ELP6: variants seen among roughly 807,000 people sequenced by gnomAD.
ELP6 encodes elongator acetyltransferase complex subunit 6.
In ELP6, 23 loss-of-function variants were observed where a neutral mutation model predicts 28.1. The observed-to-expected ratio is 0.82, with a 90% confidence interval of 0.59 to 1.16. The LOEUF is 1.16. ELP6 is among the 50% of genes most tolerant of loss of function. ELP6 has a pLI of 0.00. For missense variants in ELP6, 313 were observed against 334.6 expected, an observed-to-expected ratio of 0.94 and a Z score of 0.50; for synonymous variants, 132 against 135.8, an observed-to-expected ratio of 0.97 and a Z score of 0.19.
At chr3:47,506,552 G>C (rs1453405080) in intron 3 of ELP6, among the ~76,000 whole-genome samples, 1 of 152,206 alleles carries the variant, frequency 6.6e-6, no homozygotes, top group African/African-American at 2.4e-5. Context: ...AAAGAATTCA[G>C]CGATATTTCT....
intron 1 of ELP6, 26 bp from the exon 2 acceptor site, chr3:47,511,252 G>C: frequency 1.2e-6 from 2 of 1,611,550 alleles, no homozygotes; most frequent in Non-Finnish European, 1.7e-6. Context: ...AACACAAAAA[G>C]GTTAGACTCC....
intron 3 of ELP6, among the ~76,000 whole-genome samples, chr3:47,507,892 A>C (rs1708889308): frequency 6.6e-6 from 1 of 151,852 alleles, no homozygotes; most frequent in Non-Finnish European, 1.5e-5. Context: ...TTCACGTGCC[A>C]AGTACTGTGC....
chr3:47,499,990 G>A (rs1453722644), intron 5 of ELP6: 13 of 1,337,194 alleles, frequency 9.7e-6, no homozygotes, highest in Non-Finnish European at 1.2e-5. Context: ...TGCTGCTTCA[G>A]ACACACTGGC....
chr3:47,503,025 G>C (rs1392306035), intron 4 of ELP6: 3 of 1,010,854 alleles, frequency 3.0e-6, no homozygotes, highest in Non-Finnish European at 3.6e-6. Flanking sequence ...TGGAGGAACA[G>C]AGCCCAGGGC....
Position 47,504,374 on chromosome 3 carries a change from G to T in ELP6, c.279C>A (p.Val93=). ...GTGGCTCCTTTTGAGCCTGGAAGAC[G>T]ACGTCCACTGCAGACTTGAGTCCCT... The part of the protein sequence containing the change: ...FLEGLKSAVD[V]VFQAQKEPHP... The change falls in exon 4 of 7, where the codon GTC becomes GTA. Residue 93 remains valine, a synonymous_variant. Transcript: ENST00000296149. 1.9e-6 allele frequency: 3 copies of T among 1,610,468 alleles called. No individual in the cohort carries two copies. The highest frequency in any genetic ancestry group is 1.7e-4 in the Middle Eastern group (1 of 6,050).
chr3:47,498,058 C>A (rs1708529971), intron 6 of ELP6: 2 of 1,407,892 alleles, frequency 1.4e-6, no homozygotes, highest in South Asian at 3.0e-5. Context: ...TTAAGAGTGC[C>A]CCACTTTGGT....
chr3:47,495,850 T>C lies in ELP6; in HGVS notation c.*219A>G. 1 of 645,778 alleles carries C rather than the reference T, an allele frequency of 1.5e-6. No homozygotes were observed. Among genetic ancestry groups the C allele is most frequent in the South Asian group, 2.2e-5 (1 of 46,332 alleles). 40.0% of individuals were successfully genotyped at this position (645,778 alleles called of 1,614,324 possible). A position where few individuals can be genotyped will look rare whatever the true frequency, so the allele number is the denominator to read the frequency against. On this transcript the variant is annotated 3_prime_UTR_variant, in exon 7 of 7. Coordinates refer to ENST00000296149, the MANE Select transcript of ELP6 (RefSeq NM_001031703.3). ...ACTTGGGTCTAGCATCCAGCCTCTC[T>C]CTCAGCAAAGGCAGGATTGTGGTCC...
chr3:47,502,226 A>ATT (rs1708684058), intron 4 of ELP6: 1 of 193,960 alleles, frequency 5.2e-6, no homozygotes, highest in Admixed American at 6.6e-5. Flanking sequence ...CTGGCCAACA[A>ATT]TGGTGAAACC....
intron 4 of ELP6, chr3:47,503,143 C>CA: frequency 8.7e-7 from 1 of 1,145,018 alleles, no homozygotes; most frequent in Non-Finnish European, 1.1e-6. Context: ...GAGGTATAAC[C>CA]AGCCCCTGCC....
intron 1 of ELP6, chr3:47,511,996 C>T (rs1709030106): frequency 4.1e-6 from 4 of 985,116 alleles, no homozygotes; most frequent in Non-Finnish European, 4.8e-6. Flanking sequence ...ACCCCTAGTG[C>T]TGTCATTTCC....
chr3:47,501,507 T>G (rs1576340633), intron 5 of ELP6, 143 bp downstream of exon 5: 2 of 738,856 alleles, frequency 2.7e-6, no homozygotes, highest in Non-Finnish European at 2.2e-6. Context: ...GAAAACAGGG[T>G]GGCTGCAAAA....
In ELP6 at chr3:47,512,970, G is replaced by A. The variant is rs1180829485; in HGVS notation, c.54+567C>T. ...TCCGCGAATATAACCCAACCCCACT[G>A]TCGGCCATGCTTCCCAGGTACTTTT... On this transcript the variant is annotated intron_variant, in intron 1 of 6. Coordinates refer to ENST00000296149, the MANE Select transcript of ELP6 (RefSeq NM_001031703.3). The A allele has an allele frequency of 5.1e-6, 5 of 983,788 alleles. No homozygotes were observed. In the African/African-American group the frequency reaches 5.3e-5, roughly 10 times the overall value. 60.9% of individuals were successfully genotyped at this position (983,788 alleles called of 1,614,324 possible). A position where few individuals can be genotyped will look rare whatever the true frequency, so the allele number is the denominator to read the frequency against.
At position 47,495,715 on chromosome 3, in the gene ELP6, T is replaced by C. The variant is rs1708461577; in HGVS notation, c.*354A>G. The C allele has an allele frequency of 4.3e-6, 1 of 233,584 alleles. No homozygotes were observed. The highest frequency in any genetic ancestry group is 8.3e-6 in the Non-Finnish European group (1 of 120,464). 14.5% of individuals were successfully genotyped at this position (233,584 alleles called of 1,614,324 possible). ...CTTGCACACCTGCCATCCGGTGCCA[T>C]CTCCTGGCTGGCACATCTATACCCA... On this transcript the variant is annotated 3_prime_UTR_variant, in exon 7 of 7. Transcript: ENST00000296149.
At chr3:47,503,983 A>C (rs1708747911) in intron 4 of ELP6, among the ~76,000 whole-genome samples, 1 of 152,236 alleles carries the variant, frequency 6.6e-6, no homozygotes, top group Non-Finnish European at 1.5e-5. Context: ...TATTTACAAA[A>C]ACAGGCAGCT....
At chr3:47,509,597 C>T (rs551716966) in intron 3 of ELP6, among the ~76,000 whole-genome samples, 3 of 152,138 alleles carry the variant, frequency 2.0e-5, no homozygotes, top group South Asian at 2.1e-4. Flanking sequence ...CCAAGGAGGA[C>T]GAAAATCAAA....
intron 4 of ELP6, among the ~76,000 whole-genome samples, chr3:47,503,993 T>C (rs1163927683): frequency 1.3e-5 from 2 of 152,226 alleles, no homozygotes; most frequent in Non-Finnish European, 2.9e-5. Flanking sequence ...AACAGGCAGC[T>C]GACCCATAGC....
At chr3:47,512,316 C>T (rs62260708) in intron 1 of ELP6, 20,777 of 157,376 alleles carry the variant, frequency 0.13, 1,768 homozygotes, top group Non-Finnish European at 0.19. Context: ...GGGCGGATCA[C>T]CTGAGGTCAG....
intron 3 of ELP6, chr3:47,504,668 A>G (rs1429446659): frequency 1.0e-6 from 1 of 985,306 alleles, no homozygotes; most frequent in Non-Finnish European, 1.2e-6. Context: ...CATTAAAAGA[A>G]AAACTAGCCA....
chr3:47,500,235 G>A, intron 5 of ELP6: 1 of 1,077,590 alleles, frequency 9.3e-7, no homozygotes, highest in Non-Finnish European at 1.1e-6. Context: ...AAAAGAAGTA[G>A]CGAACAGTGT....
Sources: gnomAD v4.1 joint callset for allele counts (sites outside exome capture counted in the v4.1 genomes callset) on GRCh38, gnomAD v4.1.1 for gene constraint, MANE v1.5 for transcripts, NCBI Gene and HGNC (gene_info 2026-07-23, HGNC 2026-07-21) for gene names.